The following PLCH1 variants were observed in gnomAD, a reference collection of about 807,000 sequenced individuals.
PLCH1 encodes the protein 1-phosphatidylinositol 4,5-bisphosphate phosphodiesterase eta-1.
In PLCH1, 60 loss-of-function variants were observed where a neutral mutation model predicts 126.7. That is an observed-to-expected ratio of 0.47 (90% CI 0.38 to 0.59). The LOEUF (loss-of-function observed/expected upper bound fraction) is 0.59. Among genes scored for constraint, PLCH1 ranks in the 20% least tolerant of loss-of-function variants. The pLI, the probability that PLCH1 is intolerant of heterozygous loss-of-function variation, is 0.00. For missense variants in PLCH1, 1,723 were observed against 2,040.0 expected (o/e 0.84, Z 2.99); for synonymous variants, 719 against 734.9 (o/e 0.98, Z 0.35).
At chr3:155,504,845 C>T (rs945957019) in intron 12 of PLCH1, among the ~76,000 whole-genome samples, 1 of 152,192 alleles carries the variant, frequency 6.6e-6, no homozygotes, top group Non-Finnish European at 1.5e-5. Context: ...GAGATGGATG[C>T]CAGCCAGGAC....
chr3:155,528,058 T>C (rs1194070367), intron 10 of PLCH1, among the ~76,000 whole-genome samples: 3 of 151,470 alleles, frequency 2.0e-5, no homozygotes, highest in South Asian at 4.2e-4. Flanking sequence ...ACCTCATCTG[T>C]ACTAAAAATA....
intron 20 of PLCH1, 139 bp downstream of exon 20, chr3:155,488,521 A>G (rs1443351318): frequency 2.5e-6 from 2 of 794,158 alleles, no homozygotes; most frequent in Non-Finnish European, 3.9e-6. Flanking sequence ...TACATTTTAC[A>G]AAGTTTGTTA....
At chr3:155,503,550 T>TTTTCTG in intron 13 of PLCH1, among the ~76,000 whole-genome samples, 1 of 151,858 alleles carries the variant, frequency 6.6e-6, no homozygotes, top group African/African-American at 2.4e-5. Flanking sequence ...TTTTTTTTTT[T>TTTTCTG]TCTGTAGATG....
chr3:155,496,311 C>T (rs1010187187), intron 15 of PLCH1, among the ~76,000 whole-genome samples: 2 of 152,158 alleles, frequency 1.3e-5, no homozygotes, highest in Non-Finnish European at 2.9e-5. Context: ...TAACTTAATG[C>T]AATCATTCCC....
chr3:155,460,413 A>G (rs1426579397), intron 21 of PLCH1, among the ~76,000 whole-genome samples: 1 of 152,172 alleles, frequency 6.6e-6, no homozygotes, highest in Non-Finnish European at 1.5e-5. Context: ...TCAGATTATA[A>G]ATGGGATTTG....
chr3:155,595,019 C>A (rs1326537021), intron 3 of PLCH1, among the ~76,000 whole-genome samples: 8 of 152,162 alleles, frequency 5.3e-5, no homozygotes, highest in Admixed American at 5.2e-4. Flanking sequence ...CAGAGCAGAG[C>A]TTGGAGAAGT....
intron 1 of PLCH1, among the ~76,000 whole-genome samples, chr3:155,738,787 C>CAAAA (rs34836979): frequency 2.5e-5 from 3 of 119,792 alleles, no homozygotes; most frequent in African/African-American, 9.5e-5. Context: ...ACTCCACCTC[C>CAAAA]AAAAAAAAAA....
chr3:155,687,222 G>C (rs1745019738), intron 2 of PLCH1, among the ~76,000 whole-genome samples: 1 of 152,024 alleles, frequency 6.6e-6, no homozygotes, highest in Admixed American at 6.6e-5. Context: ...TTAATGATTA[G>C]TATTAAAATA....
intron 5 of PLCH1, among the ~76,000 whole-genome samples, chr3:155,585,323 AG>A (rs1731220723): frequency 6.6e-6 from 1 of 152,222 alleles, no homozygotes; most frequent in African/African-American, 2.4e-5. Flanking sequence ...ACATGTACAA[AG>A]TATCACCTAG....
chr3:155,590,321 G>A (rs1451140317), intron 4 of PLCH1, among the ~76,000 whole-genome samples: 1 of 152,176 alleles, frequency 6.6e-6, no homozygotes, highest in African/African-American at 2.4e-5. Context: ...GCTCACGCCT[G>A]TAATCCCAGC....
At chr3:155,635,655 C>T (rs1342669076) in intron 2 of PLCH1, among the ~76,000 whole-genome samples, 1 of 152,210 alleles carries the variant, frequency 6.6e-6, no homozygotes, top group Non-Finnish European at 1.5e-5. Context: ...TCAGTTCATT[C>T]CTTCTAGTAG....
At chr3:155,600,953 A>C (rs866005445) in intron 2 of PLCH1, among the ~76,000 whole-genome samples, 2 of 152,200 alleles carry the variant, frequency 1.3e-5, no homozygotes, top group Non-Finnish European at 1.5e-5. Context: ...CATCGATAAA[A>C]GAAAAGGCAT....
intron 1 of PLCH1, among the ~76,000 whole-genome samples, chr3:155,705,789 G>GA (rs61565152): frequency 0.018 from 2,721 of 152,146 alleles, 84 homozygotes; most frequent in African/African-American, 0.062. Flanking sequence ...ATGCTGCTAG[G>GA]AAAAAATAGT....
intron 2 of PLCH1, among the ~76,000 whole-genome samples, chr3:155,643,237 C>T (rs6775538): frequency 0.018 from 2,741 of 152,242 alleles, 88 homozygotes; most frequent in African/African-American, 0.063. Context: ...ACATGAGCCA[C>T]CAAACCTGGC....
intron 6 of PLCH1, among the ~76,000 whole-genome samples, chr3:155,572,208 G>A (rs934161941): frequency 6.6e-6 from 1 of 152,146 alleles, no homozygotes; most frequent in Non-Finnish European, 1.5e-5. Flanking sequence ...TTGTGAAAGA[G>A]CTCTCAGGAA....
At chr3:155,512,824 G>C (rs1216924452) in intron 12 of PLCH1, among the ~76,000 whole-genome samples, 1 of 152,192 alleles carries the variant, frequency 6.6e-6, no homozygotes, top group East Asian at 1.9e-4. Flanking sequence ...GACATGACCA[G>C]ATGCACATTT....
At chr3:155,472,913 T>C (rs1190300878) in intron 21 of PLCH1, among the ~76,000 whole-genome samples, 1 of 150,776 alleles carries the variant, frequency 6.6e-6, no homozygotes, top group Non-Finnish European at 1.5e-5. Context: ...AAATTAGGTA[T>C]TGATGGGACG....
intron 14 of PLCH1, 152 bp downstream of exon 14, chr3:155,500,551 A>C (rs1717734938): frequency 3.4e-6 from 2 of 585,598 alleles, no homozygotes; most frequent in Admixed American, 3.3e-5. Context: ...ATAAATTATC[A>C]TTTCATATCC....
At chr3:155,483,167 GA>G in intron 22 of PLCH1, 116 bp from the exon 23 acceptor site, 1 of 1,049,256 alleles carries the variant, frequency 9.5e-7, no homozygotes, top group Non-Finnish European at 1.4e-6. Context: ...CACTGTGACA[GA>G]ATATAATTAT....
Sources: gnomAD v4.1 joint callset for allele counts (sites outside exome capture counted in the v4.1 genomes callset) on GRCh38, gnomAD v4.1.1 for gene constraint, MANE v1.5 for transcripts, NCBI Gene and HGNC (gene_info 2026-07-23, HGNC 2026-07-21) for gene names.